NSD3: variants seen among roughly 807,000 people sequenced by gnomAD.
NSD3 encodes nuclear receptor binding SET domain protein 3, also known as histone-lysine N-methyltransferase NSD3.
In NSD3, 24 loss-of-function variants were observed where a neutral mutation model predicts 160.8. The ratio of observed to expected loss-of-function variants is 0.15; its 90% CI spans 0.11 to 0.21. The LOEUF (loss-of-function observed/expected upper bound fraction) is 0.21. Ranked by LOEUF, NSD3 falls within the 10% of genes least tolerant of loss-of-function variation. NSD3 has a pLI of 1.00. For synonymous variants in NSD3, 520 were observed against 600.0 expected (o/e 0.87, Z 1.95); for missense variants, 1,157 against 1,735.9 (o/e 0.67, Z 5.93).
At chr8:38,295,973 T>C (rs756101377) in intron 15 of NSD3, 21 bp from the exon 16 acceptor site, 1 of 1,587,176 alleles carries the variant, frequency 6.3e-7, no homozygotes, top group Admixed American at 1.9e-5. Flanking sequence ...ATAAACAGTC[T>C]TAATAACTGA....
At chr8:38,305,145 A>G (rs1255796300) in intron 13 of NSD3, 103 bp downstream of exon 13, 1 of 1,171,528 alleles carries the variant, frequency 8.5e-7, no homozygotes, top group Non-Finnish European at 1.2e-6. Context: ...CTAGAGATAC[A>G]CAGAAGAAGA....
At chr8:38,298,565 G>T (rs1482960781) in intron 15 of NSD3, among the ~76,000 whole-genome samples, 2 of 151,586 alleles carry the variant, frequency 1.3e-5, no homozygotes. Context: ...TGTGTATAGA[G>T]TATATTAGTT....
At position 38,271,112 on chromosome 8, in the gene NSD3, T is replaced by C. The variant is rs1314902207; in HGVS notation, c.*4529A>G. On this transcript the variant is annotated 3_prime_UTR_variant, in exon 24 of 24. Coordinates refer to ENST00000317025, the MANE Select transcript of NSD3 (RefSeq NM_023034.2). ...AAAAGTATTTGTAAAAATGCTGGTA[T>C]CTCATGCAGGAGTCTCTTCCTCAAA... 1.3e-5 allele frequency: 2 copies of C among 152,156 alleles called. No homozygotes were observed. Among genetic ancestry groups the C allele is most frequent in the Non-Finnish European group, 2.9e-5 (2 of 68,032 alleles). The allele number at this position is 152,156 out of a possible 1,614,324, so 9.4% of individuals were successfully genotyped here.
rs569659413 is a variant in NSD3, at chr8:38,277,771, A to G, written c.3867+535T>C. 1.1e-4 allele frequency among the ~76,000 whole-genome samples: 17 copies of G among 152,216 alleles called. No individual in the cohort carries two copies. In the South Asian group the frequency reaches 3.5e-3, roughly 32 times the overall value. On this transcript the variant is annotated intron_variant, in intron 22 of 23. Transcript: ENST00000317025. ...TAGCTTTTTGCTAATTTCATATTCA[A>G]TCTGAAATGAAATACATTCTCAGAA...
At position 38,297,645 on chromosome 8, in the gene NSD3, C is replaced by T. The variant is rs368811271; in HGVS notation, c.2759-1693G>A. ...ATATACAACCCATGATGAATTAAAT[C>T]ACTGTATTTCCTCTGCTTAAAAGCT... On this transcript the variant is annotated intron_variant, in intron 15 of 23. Coordinates refer to ENST00000317025, the MANE Select transcript of NSD3 (RefSeq NM_023034.2). 7.9e-5 allele frequency among the ~76,000 whole-genome samples: 12 copies of T among 152,110 alleles called. No individual in the cohort carries two copies. In the South Asian group the frequency reaches 1.9e-3, roughly 24 times the overall value.
At chr8:38,339,162 A>C (rs574317020) in intron 2 of NSD3, among the ~76,000 whole-genome samples, 55 of 151,750 alleles carry the variant, frequency 3.6e-4, no homozygotes, top group African/African-American at 6.8e-4. Context: ...CAAAAAAAAA[A>C]CCCACTTAAT....
intron 19 of NSD3, among the ~76,000 whole-genome samples, chr8:38,284,215 A>AT (rs1808802864): frequency 6.6e-6 from 1 of 152,132 alleles, no homozygotes; most frequent in South Asian, 2.1e-4. Context: ...TGTTCTGCAC[A>AT]TTTTTCTATT....
intron 12 of NSD3, among the ~76,000 whole-genome samples, chr8:38,307,722 T>C (rs1809443625): frequency 6.6e-6 from 1 of 152,120 alleles, no homozygotes; most frequent in Non-Finnish European, 1.5e-5. Flanking sequence ...CACAAAGGTT[T>C]ACAGGGCTAC....
intron 18 of NSD3, among the ~76,000 whole-genome samples, chr8:38,289,179 A>G (rs1808936752): frequency 6.6e-6 from 1 of 152,228 alleles, no homozygotes; most frequent in Non-Finnish European, 1.5e-5. Context: ...TTCACAGCAC[A>G]ATAACTATGG....
intron 12 of NSD3, among the ~76,000 whole-genome samples, chr8:38,311,412 C>T (rs1454523290): frequency 6.6e-6 from 1 of 152,178 alleles, no homozygotes; most frequent in Non-Finnish European, 1.5e-5. Flanking sequence ...ACTGCAACCT[C>T]TGCCTCCGAG....
Position 38,381,797 on chromosome 8 carries a change from A to C in NSD3, c.-45+2T>G. The C allele has an allele frequency of 6.6e-6, 1 of 150,918 alleles. No homozygotes were observed. 9.3% of individuals were successfully genotyped at this position (150,918 alleles called of 1,614,324 possible). On this transcript the variant is annotated splice_donor_variant, in intron 1 of 23. Transcript: ENST00000317025. LOFTEE classifies it low-confidence loss of function (5UTR_SPLICE). ...ACATACACACACGCACACGCACTTT[A>C]CCTTCAGTTTGTTCCATTCTAACCC... is the stretch of plus-strand genomic sequence containing the variant.
At chr8:38,322,361 C>G (rs1227313004) in intron 7 of NSD3, among the ~76,000 whole-genome samples, 1 of 152,160 alleles carries the variant, frequency 6.6e-6, no homozygotes, top group Non-Finnish European at 1.5e-5. Flanking sequence ...TACTCTCACT[C>G]TTCTCCTTAC....
At chr8:38,355,678 G>A (rs1335192444) in intron 1 of NSD3, among the ~76,000 whole-genome samples, 1 of 152,070 alleles carries the variant, frequency 6.6e-6, no homozygotes, top group African/African-American at 2.4e-5. Flanking sequence ...CTTGGTACAG[G>A]CCATCAGAAA....
intron 16 of NSD3, among the ~76,000 whole-genome samples, chr8:38,292,757 C>T (rs988458802): frequency 1.1e-4 from 16 of 151,952 alleles, no homozygotes; most frequent in Non-Finnish European, 2.9e-5. Context: ...CCACTGTACT[C>T]CAGCCTGGGC....
At chr8:38,297,452 G>A (rs190892589) in intron 15 of NSD3, among the ~76,000 whole-genome samples, 1 of 152,278 alleles carries the variant, frequency 6.6e-6, no homozygotes, top group East Asian at 1.9e-4. Flanking sequence ...TAACCCATGA[G>A]TGTACGAAGA....
At chr8:38,279,739 C>G in intron 20 of NSD3, 58 bp from the exon 21 acceptor site, 1 of 1,555,752 alleles carries the variant, frequency 6.4e-7, no homozygotes, top group Non-Finnish European at 8.8e-7. Flanking sequence ...CAGAAACATC[C>G]AACTCAGTCA....
rs1049305741 is a variant in NSD3, at chr8:38,271,870, A to G, written c.*3771T>C. The G allele has an allele frequency of 6.6e-6, 1 of 152,240 alleles. No individual in the cohort carries two copies. The highest frequency in any genetic ancestry group is 1.5e-5 in the Non-Finnish European group (1 of 68,042). 9.4% of individuals were successfully genotyped at this position (152,240 alleles called of 1,614,324 possible). On this transcript the variant is annotated 3_prime_UTR_variant, in exon 24 of 24. Coordinates refer to ENST00000317025, the MANE Select transcript of NSD3 (RefSeq NM_023034.2). Reference sequence around the variant, plus strand: ...ATGGCATGTGGCAGCCAACACCTTGACTTCAAGGTGAATGCTAAAGGAAGA... The same window carrying G: ...ATGGCATGTGGCAGCCAACACCTTGGCTTCAAGGTGAATGCTAAAGGAAGA...
chr8:38,317,030 C>T lies in NSD3; in HGVS notation c.1856-988G>A. The T allele has an allele frequency of 1.9e-6, 2 of 1,059,582 alleles. No individual in the cohort carries two copies. Among genetic ancestry groups the T allele is most frequent in the Non-Finnish European group, 2.3e-6 (2 of 875,840 alleles). The allele number at this position is 1,059,582 out of a possible 1,614,324, so 65.6% of individuals were successfully genotyped here. ...TTTTTCCCCCAAAATTTCCATACAA[C>T]AAACAGACATCTAGATCAACCCAGC... On this transcript the variant is annotated intron_variant, in intron 9 of 23. Transcript: ENST00000317025. The surrounding 1 kb of genome is among the most constrained non-coding windows in gnomAD (Gnocchi z 5.3).
In NSD3 at chr8:38,275,725, G is replaced by A; in HGVS notation, c.4230C>T (p.Pro1410=). The part of the protein sequence containing the change: ...EGRLCCSEHD[P]MAPVSPEYWS... ...AGTATTCTGGTGACACAGGAGCCAT[G>A]GGGTCATGTTCCGAGCAGCAGAGGC... The change falls in exon 24 of 24, where the codon CCC becomes CCT. Residue 1410 remains proline (P), a synonymous_variant. Transcript: ENST00000317025. 7 of 1,614,178 alleles carry A rather than the reference G, an allele frequency of 4.3e-6. No homozygotes were observed. In the East Asian group the frequency reaches 6.7e-5, roughly 15 times the overall value.
Sources: allele counts gnomAD v4.1 joint callset (sites outside exome capture counted in the v4.1 genomes callset), GRCh38; gene constraint gnomAD v4.1.1; non-coding constraint Gnocchi (gnomAD v3.1); transcripts MANE v1.5; gene names NCBI Gene and HGNC (gene_info 2026-07-23, HGNC 2026-07-21).